HIPK2: variants seen among roughly 807,000 people sequenced by gnomAD.
HIPK2 encodes the protein homeodomain-interacting protein kinase 2.
Under a neutral mutation model 113.7 loss-of-function variants are expected in HIPK2, and 27 were observed. That is an observed-to-expected ratio of 0.24 (90% CI 0.17 to 0.33). HIPK2 has a LOEUF of 0.33. Among genes scored for constraint, HIPK2 ranks in the 10% least tolerant of loss-of-function variants. The pLI is 1.00. For synonymous variants in HIPK2, 631 were observed against 642.2 expected (o/e 0.98, Z 0.26); for missense variants, 1,257 against 1,588.0 (o/e 0.79, Z 3.54).
intron 9 of HIPK2, among the ~76,000 whole-genome samples, chr7:139,607,950 C>T (rs1264931944): frequency 1.3e-5 from 2 of 152,014 alleles, no homozygotes; most frequent in African/African-American, 4.8e-5. Flanking sequence ...TAAAAATTAT[C>T]GTTATGGCCA....
intron 2 of HIPK2, among the ~76,000 whole-genome samples, chr7:139,658,459 C>A (rs1001590565): frequency 1.3e-5 from 2 of 152,134 alleles, no homozygotes; most frequent in African/African-American, 4.8e-5. Flanking sequence ...GAAGATGAGC[C>A]AAGAGTTTTC....
chr7:139,698,454 C>G (rs1013981665), intron 2 of HIPK2, among the ~76,000 whole-genome samples: 2 of 152,144 alleles, frequency 1.3e-5, no homozygotes, highest in Non-Finnish European at 2.9e-5. Flanking sequence ...CTTGTTTGCA[C>G]TTCTTTTGGG....
intron 1 of HIPK2, among the ~76,000 whole-genome samples, chr7:139,763,059 A>T (rs1796494318): frequency 6.6e-6 from 1 of 152,194 alleles, no homozygotes; most frequent in South Asian, 2.1e-4. Flanking sequence ...CAGGAAGGGA[A>T]GACTGTTGTG....
intron 2 of HIPK2, among the ~76,000 whole-genome samples, chr7:139,700,007 T>C (rs1332695479): frequency 6.6e-6 from 1 of 152,182 alleles, no homozygotes; most frequent in Non-Finnish European, 1.5e-5. Context: ...TCGGACAGAA[T>C]GGAGCAGTGA....
At chr7:139,719,606 AC>A (rs1380229568) in intron 1 of HIPK2, among the ~76,000 whole-genome samples, 2 of 151,906 alleles carry the variant, frequency 1.3e-5, no homozygotes. Context: ...CCAAAGCTGA[AC>A]CCCTTATTTT....
chr7:139,620,655 G>T (rs1366002272), intron 6 of HIPK2, 92 bp from the exon 7 acceptor site: 10 of 1,486,916 alleles, frequency 6.7e-6, no homozygotes, highest in African/African-American at 1.4e-5. Context: ...GGAAAGGAGA[G>T]AAGGGTTAAT....
Position 139,777,738 on chromosome 7 carries a change from C to CT in HIPK2, c.-116_-115insA. On this transcript the variant is annotated 5_prime_UTR_variant, in exon 1 of 15. It removes the in-frame stop codon of an upstream open reading frame in the 5' UTR. Coordinates refer to ENST00000406875, the MANE Select transcript of HIPK2 (RefSeq NM_022740.5). ...CTTGAGCCTGTGTCTCCGCTCTCGG[C>CT]GCAGCCGAGGCCGCCCGCGCCCGCA... is the stretch of plus-strand genomic sequence containing the variant. 5 of 982,176 alleles carry CT rather than the reference C, an allele frequency of 5.1e-6. No homozygotes were observed. The highest frequency in any genetic ancestry group is 1.8e-5 in the African/African-American group (1 of 56,514). The allele number at this position is 982,176 out of a possible 1,614,324, so 60.8% of individuals were successfully genotyped here. A position where few individuals can be genotyped will look rare whatever the true frequency, so the allele number is the denominator to read the frequency against.
chr7:139,606,537 A>G (rs993276254), intron 9 of HIPK2, among the ~76,000 whole-genome samples: 3 of 152,236 alleles, frequency 2.0e-5, no homozygotes, highest in Non-Finnish European at 4.4e-5. Flanking sequence ...ACTGATGGAC[A>G]ATTACTAAGT....
At chr7:139,741,341 T>C (rs1169485738) in intron 1 of HIPK2, among the ~76,000 whole-genome samples, 10 of 152,318 alleles carry the variant, frequency 6.6e-5, no homozygotes, top group Middle Eastern at 3.4e-3. Context: ...CTGAGCCTCA[T>C]AGGCCTCTTC....
At chr7:139,735,292 G>C (rs913935742) in intron 1 of HIPK2, among the ~76,000 whole-genome samples, 1 of 152,206 alleles carries the variant, frequency 6.6e-6, no homozygotes, top group African/African-American at 2.4e-5. Context: ...AGGACCTTCT[G>C]ACCAAGGAGA....
Position 139,631,045 on chromosome 7 carries a change from A to C in HIPK2, c.1347+120T>G. ...AGATTCAGCCATACCATGTATTAAC[A>C]ACAGCACCCCCAGTGCCCTCATTTT... On this transcript the variant is annotated intron_variant, in intron 4 of 14. Coordinates refer to ENST00000406875, the MANE Select transcript of HIPK2 (RefSeq NM_022740.5). The surrounding 1 kb of genome is among the most constrained non-coding windows in gnomAD (Gnocchi z 4.9). The C allele has an allele frequency of 7.5e-7, 1 of 1,337,780 alleles. No homozygotes were observed. Among genetic ancestry groups the C allele is most frequent in the Non-Finnish European group, 1.0e-6 (1 of 997,120 alleles). The allele number at this position is 1,337,780 out of a possible 1,614,324, so 82.9% of individuals were successfully genotyped here.
chr7:139,737,017 C>T (rs1332620444), intron 1 of HIPK2, among the ~76,000 whole-genome samples: 2 of 152,176 alleles, frequency 1.3e-5, no homozygotes, highest in Non-Finnish European at 2.9e-5. Context: ...CAGCAGCTCG[C>T]CTTGTGGTCC....
intron 13 of HIPK2, among the ~76,000 whole-genome samples, chr7:139,582,664 G>A (rs1457961772): frequency 6.6e-6 from 1 of 152,260 alleles, no homozygotes; most frequent in Non-Finnish European, 1.5e-5. Flanking sequence ...GCTGCCTTGG[G>A]TTAGGAAGTA....
intron 14 of HIPK2, 113 bp downstream of exon 14, chr7:139,575,015 A>G: frequency 1.5e-6 from 2 of 1,370,170 alleles, no homozygotes; most frequent in South Asian, 3.0e-5. Flanking sequence ...ACCCGTGGCC[A>G]GGACTGCAGC....
Position 139,673,715 on chromosome 7 carries a change from GCA to G in HIPK2, c.1104-41992_1104-41991del, listed in dbSNP as rs559847621. 9.9e-5 allele frequency among the ~76,000 whole-genome samples: 15 copies of G among 151,856 alleles called. No individual in the cohort carries two copies. The East Asian group carries it at 2.9e-3, about 29-fold the overall frequency. ...GAAGAAGTCTGACTTTTTAAAATTG[GCA>G]CAGAGCAAAGCCCATTCCTAAGGAA... On this transcript the variant is annotated intron_variant, in intron 2 of 14. Transcript: ENST00000406875.
At chr7:139,746,823 G>A (rs17161092) in intron 1 of HIPK2, among the ~76,000 whole-genome samples, 3,739 of 152,136 alleles carry the variant, frequency 0.025, 351 homozygotes, top group East Asian at 0.16. Flanking sequence ...GAGTCCAGTC[G>A]GCCAAGGTGA....
intron 1 of HIPK2, among the ~76,000 whole-genome samples, chr7:139,729,252 G>A (rs1197026016): frequency 2.0e-5 from 3 of 151,730 alleles, no homozygotes; most frequent in Non-Finnish European, 2.9e-5. Flanking sequence ...TTGAAGCTGG[G>A]AGGTAGAGGT....
At chr7:139,713,519 C>T (rs1795131452) in intron 2 of HIPK2, among the ~76,000 whole-genome samples, 1 of 152,178 alleles carries the variant, frequency 6.6e-6, no homozygotes, top group Admixed American at 6.5e-5. Flanking sequence ...TCTTAAGAAT[C>T]CCCAATTCAG....
At position 139,615,182 on chromosome 7, in the gene HIPK2, G is replaced by A. The variant is rs144873488; in HGVS notation, c.1783-689C>T. 4.3e-4 allele frequency among the ~76,000 whole-genome samples: 66 copies of A among 152,338 alleles called. No homozygotes were observed. In the East Asian group the frequency reaches 9.6e-3, roughly 22 times the overall value. ...TGGCACAGGAGCACATGCAACAGGC[G>A]GAGAGCAGGGCCGAGGAGGGGCTCA... On this transcript the variant is annotated intron_variant, in intron 7 of 14. Coordinates refer to ENST00000406875, the MANE Select transcript of HIPK2 (RefSeq NM_022740.5).
Sources: gnomAD v4.1 joint callset for allele counts (sites outside exome capture counted in the v4.1 genomes callset) on GRCh38, gnomAD v4.1.1 for gene constraint, Gnocchi (gnomAD v3.1) non-coding constraint, MANE v1.5 for transcripts, NCBI Gene and HGNC (gene_info 2026-07-23, HGNC 2026-07-21) for gene names.